COL6A3: variants seen among roughly 807,000 people sequenced by gnomAD.
COL6A3 encodes the protein collagen type VI alpha 3 chain.
COL6A3 carries 137 observed loss-of-function variants against 274.1 expected under a neutral mutation model. The observed-to-expected ratio is 0.50, with a 90% CI of 0.44 to 0.58. The LOEUF is 0.58. COL6A3 is among the 20% of genes least tolerant of loss of function. The pLI, the probability that COL6A3 is intolerant of heterozygous loss-of-function variation, is 0.00. For missense variants in COL6A3, 3,950 were observed against 4,124.9 expected (o/e 0.96, Z 1.16); for synonymous variants, 1,650 against 1,650.6 (o/e 1.00, Z 0.01).
chr2:237,357,013 C>T, intron 23 of COL6A3: 1 of 426,092 alleles, frequency 2.3e-6, no homozygotes, highest in East Asian at 4.3e-5. Flanking sequence ...TTCCCTCCCT[C>T]CCCCAGTATT....
Position 237,365,908 on chromosome 2 carries a change from G to A in COL6A3, c.5628C>T (p.Ser1876=). Residue 1876 remains serine, a synonymous_variant, in exon 12 of 44, where the codon AGC becomes AGT. Coordinates refer to ENST00000295550, the MANE Select transcript of COL6A3 (RefSeq NM_004369.4). ...CGGTGGGCGAGCGGCCACCGCTGCA[G>A]CTGACCCTGTGCATCTGGCTGATTC... ...LNRISQMHRV[S]CSGGRSPTVR... The A allele has an allele frequency of 6.2e-7, 1 of 1,614,188 alleles. No individual in the cohort carries two copies. Among genetic ancestry groups the A allele is most frequent in the Non-Finnish European group, 8.5e-7 (1 of 1,180,024 alleles).
In COL6A3 at chr2:237,374,462, C is replaced by A. The variant is rs373324548; in HGVS notation, c.3629G>T (p.Arg1210Leu). ...CGGCTGCAGCCTGCTCAGCTCCTCG[C>A]GGGTGAGCTGGGTCACCCTCTCAGA... is the stretch of plus-strand genomic sequence containing the variant. ...VISERVTQLT[R>L]EELSRLQPVL... The change falls in exon 8 of 44, where the codon CGC (arginine) becomes CTC (leucine). Residue 1210 changes from arginine (R) to leucine (L), a missense_variant. By Grantham distance (102) the Arg-to-Leu change is moderately radical (BLOSUM62 -2). Coordinates refer to ENST00000295550, the MANE Select transcript of COL6A3 (RefSeq NM_004369.4). The surrounding 1 kb of genome is among the most constrained non-coding windows in gnomAD (Gnocchi z 4.8). The A allele has an allele frequency of 1.9e-6, 3 of 1,613,864 alleles. No homozygotes were observed. Among genetic ancestry groups the A allele is most frequent in the South Asian group, 2.2e-5 (2 of 91,084 alleles).
intron 1 of COL6A3, among the ~76,000 whole-genome samples, chr2:237,399,254 T>C (rs574922659): frequency 6.6e-6 from 1 of 152,352 alleles, no homozygotes; most frequent in Admixed American, 6.5e-5. Context: ...GACAAGGTGC[T>C]TGGAATCAGA....
At chr2:237,332,981 G>A (rs113531833) in intron 42 of COL6A3, 1 of 250,484 alleles carries the variant, frequency 4.0e-6, no homozygotes, top group African/African-American at 2.2e-5. Flanking sequence ...CTAAGCTGGG[G>A]TGTGTGCTTA....
chr2:237,372,259 G>T lies in COL6A3; in HGVS notation c.3758C>A (p.Thr1253Asn). Residue 1253 changes from threonine (T) to asparagine (N), a missense_variant, in exon 9 of 44, where the codon ACC becomes AAC. This residue lies in a region of COL6A3 where 1,934 missense variants were observed against 1,984.3 expected (regional missense o/e 0.97). Transcript: ENST00000295550. Reference protein sequence around the residue: ...SAGPEFQYVRTLIERLVDYLD... With the variant: ...SAGPEFQYVRNLIERLVDYLD... Reference sequence around the variant, plus strand: ...GTAGTCAACCAGCCTCTCTATGAGGGTGCGAACGTACTGGAACTCAGGCCC... The same window carrying T: ...GTAGTCAACCAGCCTCTCTATGAGGTTGCGAACGTACTGGAACTCAGGCCC... 6.2e-7 allele frequency: 1 copy of T among 1,613,816 alleles called. No individual in the cohort carries two copies. Among genetic ancestry groups the T allele is most frequent in the Non-Finnish European group, 8.5e-7 (1 of 1,180,052 alleles).
intron 28 of COL6A3, 59 bp downstream of exon 28, chr2:237,350,088 C>T: frequency 6.6e-7 from 1 of 1,521,946 alleles, no homozygotes; most frequent in Non-Finnish European, 9.1e-7. Context: ...CTCCTGGCTT[C>T]CTGCACCTTC....
Position 237,332,111 on chromosome 2 carries a change from A to G in COL6A3, c.9328+1339T>C, listed in dbSNP as rs1449269447. Among the ~76,000 whole-genome samples, 165 of 100,668 alleles carry G rather than the reference A, an allele frequency of 1.6e-3. 7 individuals carry two copies. The highest frequency in any genetic ancestry group is 5.7e-3 in the African/African-American group (162 of 28,384). 66.0% of individuals were successfully genotyped at this position (100,668 alleles called of 152,430 possible). On this transcript the variant is annotated intron_variant, in intron 42 of 43. Coordinates refer to ENST00000295550, the MANE Select transcript of COL6A3 (RefSeq NM_004369.4). ...TATATATATATATATATATATATAT[A>G]TATATATGAAAAGAAAAACAAAACA...
rs13402635 is a variant in COL6A3 at position 237,411,395 on chromosome 2, C to T, written c.-31+2558G>A. On this transcript the variant is annotated intron_variant, in intron 1 of 43. Transcript: ENST00000295550. ...TGATATCAACCGCTGGTGAAGACTA[C>T]GCTTGATCCAGTTGTCTGAACACTC... 5.6e-3 allele frequency among the ~76,000 whole-genome samples: 860 copies of T among 152,320 alleles called. 5 individuals carry two copies. The highest frequency in any genetic ancestry group is 0.02 in the African/African-American group (825 of 41,560).
Position 237,394,704 on chromosome 2 carries a change from A to C in COL6A3, c.592T>G (p.Phe198Val), listed in dbSNP as rs754618002. The change falls in exon 3 of 44, where the codon TTC becomes GTC. Residue 198 changes from phenylalanine to valine, a missense_variant. By Grantham distance (50) the Phe-to-Val change is conservative. This residue lies in a region of COL6A3 where 1,934 missense variants were observed against 1,984.3 expected (regional missense o/e 0.97). Coordinates refer to ENST00000295550, the MANE Select transcript of COL6A3 (RefSeq NM_004369.4). Reference protein sequence around the residue: ...IASEPLNMHMFNLENFTSLHD... With the variant: ...IASEPLNMHMVNLENFTSLHD... ...AGTGAGGTAAAATTCTCTAGGTTGAACATATGCATATTGAGCGGTTCACTT... is the reference window on the plus strand; with the variant it reads ...AGTGAGGTAAAATTCTCTAGGTTGACCATATGCATATTGAGCGGTTCACTT... 55 of 1,614,114 alleles carry C rather than the reference A, an allele frequency of 3.4e-5. No homozygotes were observed. The highest frequency in any genetic ancestry group is 4.2e-5 in the Non-Finnish European group (49 of 1,180,036).
chr2:237,347,584 G>A (rs908222201), intron 31 of COL6A3, among the ~76,000 whole-genome samples: 7 of 152,180 alleles, frequency 4.6e-5, no homozygotes, highest in African/African-American at 1.2e-4. Flanking sequence ...CCCTGGAGGT[G>A]AGTTGGAGGA....
At chr2:237,347,688 C>T (rs1378636989) in intron 31 of COL6A3, 119 bp downstream of exon 31, 2 of 1,054,550 alleles carry the variant, frequency 1.9e-6, no homozygotes, top group African/African-American at 1.6e-5. Flanking sequence ...CTTCCTTCCA[C>T]CCTGTGCTAT....
intron 1 of COL6A3, among the ~76,000 whole-genome samples, chr2:237,406,118 A>G (rs1163809128): frequency 1.3e-5 from 2 of 152,176 alleles, no homozygotes; most frequent in Non-Finnish European, 2.9e-5. Flanking sequence ...TGAAATTTAA[A>G]AGGATACCTT....
rs369449472 is a variant in COL6A3, at chr2:237,369,027, T to C, written c.4436A>G (p.Gln1479Arg). 4 of 1,614,222 alleles carry C rather than the reference T, an allele frequency of 2.5e-6. No individual in the cohort carries two copies. Among genetic ancestry groups the C allele is most frequent in the Non-Finnish European group, 3.4e-6 (4 of 1,180,036 alleles). The change falls in exon 10 of 44, where the codon CAG (glutamine) becomes CGG (arginine). Residue 1479 changes from glutamine to arginine, a missense_variant. Coordinates refer to ENST00000295550, the MANE Select transcript of COL6A3 (RefSeq NM_004369.4). The part of the protein sequence containing the change: ...GPSKVRVGVV[Q>R]FSNDVFPEFY... The stretch of plus-strand genomic sequence containing the variant: ...TTCTGGGAAGACATCATTGCTGAAC[T>C]GCACGACCCCAACTCTCACTTTACT...
At chr2:237,377,397 C>A in intron 6 of COL6A3, 53 bp from the exon 7 acceptor site, 3 of 1,551,280 alleles carry the variant, frequency 1.9e-6, no homozygotes, top group Non-Finnish European at 2.6e-6. Context: ...TAACAGGAAC[C>A]AAAGCGACTT....
At chr2:237,396,659 A>G (rs1000343675) in intron 2 of COL6A3, 68 bp downstream of exon 2, 4 of 1,473,412 alleles carry the variant, frequency 2.7e-6, no homozygotes, top group Non-Finnish European at 3.8e-6. Flanking sequence ...TCAGTGCCTG[A>G]TGTCTAAGAT....
rs137878841 is a variant in COL6A3 at position 237,407,734 on chromosome 2, C to T, written c.-31+6219G>A. 7.9e-5 allele frequency among the ~76,000 whole-genome samples: 12 copies of T among 152,330 alleles called. No homozygotes were observed. Among genetic ancestry groups the T allele is most frequent in the East Asian group, 1.9e-4 (1 of 5,190 alleles). On this transcript the variant is annotated intron_variant, in intron 1 of 43. Coordinates refer to ENST00000295550, the MANE Select transcript of COL6A3 (RefSeq NM_004369.4). This position sits in a 1 kb window ranked among gnomAD's most constrained non-coding sequence, Gnocchi z 4.3. ...ATCTGGTGTGATTTGAAAAGCTAGA[C>T]GCCACCATGCAAATGTAAAACACAT...
rs137923508 is a variant in COL6A3 at position 237,379,104 on chromosome 2, G to T, written c.2029C>A (p.Arg677Ser). The change falls in exon 6 of 44, where the codon CGT becomes AGT. Residue 677 changes from arginine (R) to serine (S), a missense_variant. Arg to Ser is a moderately radical substitution (Grantham distance 110, BLOSUM62 -1). Around this residue, in one of 5 missense-constraint regions of COL6A3, gnomAD observed 1,934 missense variants for 1,984.3 expected, o/e 0.97. Transcript: ENST00000295550. Reference protein sequence around the residue: ...NSLDIGNDNIRVGLVQFSDTP... With the variant: ...NSLDIGNDNISVGLVQFSDTP... Reference sequence around the variant, plus strand: ...TCACTAAATTGCACTAAACCAACACGAATATTGTCATTTCCAATATCAAGG... The same window carrying T: ...TCACTAAATTGCACTAAACCAACACTAATATTGTCATTTCCAATATCAAGG... The T allele has an allele frequency of 1.9e-6, 3 of 1,614,192 alleles. No homozygotes were observed. The highest frequency in any genetic ancestry group is 2.5e-6 in the Non-Finnish European group (3 of 1,180,042).
chr2:237,398,700 G>A (rs568950098), intron 1 of COL6A3, among the ~76,000 whole-genome samples: 10 of 152,290 alleles, frequency 6.6e-5, no homozygotes, highest in East Asian at 1.9e-4. Context: ...ACATTTGAAC[G>A]AGAAGCTCAT....
Position 237,374,864 on chromosome 2 carries a change from G to T in COL6A3, c.3227C>A (p.Thr1076Asn). Residue 1076 changes from threonine to asparagine, a missense_variant, in exon 8 of 44, where the codon ACC becomes AAC. Thr to Asn is a moderately conservative substitution (Grantham distance 65, BLOSUM62 0). This residue lies in a region of COL6A3 where 1,934 missense variants were observed against 1,984.3 expected (regional missense o/e 0.97). Coordinates refer to ENST00000295550, the MANE Select transcript of COL6A3 (RefSeq NM_004369.4). The surrounding 1 kb of genome is among the most constrained non-coding windows in gnomAD (Gnocchi z 4.8). ...RVAVVQYSDR[T>N]RPEFYLNSYM... ...TGAATTCAGGTAGAACTCGGGCCTG[G>T]TCCGGTCGCTGTACTGCACCACGGC... The T allele has an allele frequency of 6.2e-7, 1 of 1,613,936 alleles. No individual in the cohort carries two copies. Among genetic ancestry groups the T allele is most frequent in the Non-Finnish European group, 8.5e-7 (1 of 1,180,010 alleles).
Sources: gnomAD v4.1 joint callset for allele counts (sites outside exome capture counted in the v4.1 genomes callset) on GRCh38, gnomAD v4.1.1 for gene constraint, gnomAD v4.1.1 regional missense constraint, Gnocchi (gnomAD v3.1) non-coding constraint, MANE v1.5 for transcripts, NCBI Gene and HGNC (gene_info 2026-07-23, HGNC 2026-07-21) for gene names.